Variants in NTRK2 observed in about 807,000 individuals in gnomAD.
NTRK2 encodes the protein neurotrophic receptor tyrosine kinase 2.
A neutral mutation model predicts 94.5 loss-of-function variants in NTRK2; 13 were observed. The observed-to-expected ratio is 0.14, with a 90% CI of 0.09 to 0.22. The LOEUF (loss-of-function observed/expected upper bound fraction) is 0.22, where lower values mean the gene tolerates loss of function less well. Ranked by LOEUF, NTRK2 falls within the 10% of genes least tolerant of loss-of-function variation. The pLI, the probability that NTRK2 is intolerant of heterozygous loss-of-function variation, is 1.00. For synonymous variants in NTRK2, 372 were observed against 407.4 expected, an observed-to-expected ratio of 0.91 and a Z score of 1.05; for missense variants, 639 against 1,071.2, an observed-to-expected ratio of 0.60 and a Z score of 5.63.
intron 12 of NTRK2, among the ~76,000 whole-genome samples, chr9:84,791,406 T>C (rs2068720178): frequency 6.6e-6 from 1 of 152,202 alleles, no homozygotes; most frequent in African/African-American, 2.4e-5. Flanking sequence ...CTATTGTCTC[T>C]GTAGCATTCT....
At chr9:84,761,272 T>A (rs1259650221) in intron 12 of NTRK2, among the ~76,000 whole-genome samples, 1 of 151,856 alleles carries the variant, frequency 6.6e-6, no homozygotes, top group Admixed American at 6.6e-5. Flanking sequence ...TCAGCGACAG[T>A]GTAAGGAAGG....
chr9:84,952,022 A>G (rs2078801228), intron 16 of NTRK2, among the ~76,000 whole-genome samples: 1 of 152,190 alleles, frequency 6.6e-6, no homozygotes, highest in African/African-American at 2.4e-5. Context: ...TTCCTCTTAG[A>G]ATCTGTCCAG....
rs114270102 is a variant in NTRK2 at position 84,957,346 on chromosome 9, G to A, written c.2172+1829G>A. Among the ~76,000 whole-genome samples, 355 of 152,240 alleles carry A rather than the reference G, an allele frequency of 2.3e-3. 2 individuals carry two copies. The highest frequency in any genetic ancestry group is 7.8e-3 in the African/African-American group (323 of 41,552). On this transcript the variant is annotated intron_variant, in intron 17 of 18. Transcript: ENST00000277120. ...CTAGGACTTAACTGGATGGAACCTG[G>A]CATCCTCCTCTCTAGGAATCTCCAA...
At chr9:84,825,017 A>G (rs943930737) in intron 12 of NTRK2, among the ~76,000 whole-genome samples, 88 of 150,564 alleles carry the variant, frequency 5.8e-4, no homozygotes, top group African/African-American at 1.9e-3. Context: ...AACTGAGTTC[A>G]TCACGTGTTC....
chr9:84,703,224 A>T (rs572186126), intron 4 of NTRK2, among the ~76,000 whole-genome samples: 1 of 152,196 alleles, frequency 6.6e-6, no homozygotes, highest in Non-Finnish European at 1.5e-5. Context: ...GCATTTATTG[A>T]TTCTGTTTTG....
chr9:84,735,005 A>G (rs921101910), intron 9 of NTRK2, among the ~76,000 whole-genome samples: 1 of 151,982 alleles, frequency 6.6e-6, no homozygotes, highest in African/African-American at 2.4e-5. Flanking sequence ...GGACAAAACC[A>G]ATCTCCTGTC....
chr9:84,724,085 C>T (rs2132029968), intron 7 of NTRK2, 139 bp from the exon 8 acceptor site: 1 of 890,148 alleles, frequency 1.1e-6, no homozygotes, highest in Admixed American at 2.1e-5. Flanking sequence ...TACTTCTTCG[C>T]CTGAGCCCAG....
chr9:84,763,950 A>G (rs982514365), intron 12 of NTRK2, among the ~76,000 whole-genome samples: 3 of 151,668 alleles, frequency 2.0e-5, no homozygotes, highest in Admixed American at 2.0e-4. Context: ...AATGTCCCTC[A>G]TTCTGTCTCT....
intron 12 of NTRK2, among the ~76,000 whole-genome samples, chr9:84,762,439 T>C (rs1303601592): frequency 6.6e-6 from 1 of 152,234 alleles, no homozygotes; most frequent in Non-Finnish European, 1.5e-5. Flanking sequence ...TGACATGCAT[T>C]CCATAGCCCA....
rs80021465 is a variant in NTRK2, at chr9:84,867,814, A to T, written c.1633+383A>T. On this transcript the variant is annotated intron_variant, in intron 14 of 18. Transcript: ENST00000277120. ...TGAATGTAATTTAAATTTAGCCTAT[A>T]GAAAGTAATTGAAATATGCACTCTA... Among the ~76,000 whole-genome samples the T allele has an allele frequency of 4.6e-3, 706 of 152,332 alleles. 13 individuals carry two copies. The highest frequency in any genetic ancestry group is 0.038 in the Admixed American group (577 of 15,300).
intron 14 of NTRK2, chr9:84,871,809 A>C (rs1564413515): frequency 1.2e-6 from 2 of 1,613,602 alleles, no homozygotes; most frequent in African/African-American, 2.7e-5. Flanking sequence ...TTCCCCCAAG[A>C]CCGCCTGATA....
At chr9:84,974,803 C>T (rs1412788437) in intron 17 of NTRK2, among the ~76,000 whole-genome samples, 9 of 152,192 alleles carry the variant, frequency 5.9e-5, no homozygotes, top group East Asian at 3.9e-4. Flanking sequence ...CTTGCCTTAT[C>T]CCTGCTGGCT....
chr9:84,689,310 C>G (rs537338108), intron 2 of NTRK2, among the ~76,000 whole-genome samples: 1 of 152,330 alleles, frequency 6.6e-6, no homozygotes, highest in African/African-American at 2.4e-5. Context: ...GCATTACTCT[C>G]ATCGTGTAGG....
At chr9:84,780,610 C>T (rs1280537194) in intron 12 of NTRK2, among the ~76,000 whole-genome samples, 9 of 152,088 alleles carry the variant, frequency 5.9e-5, no homozygotes, top group African/African-American at 1.4e-4. Flanking sequence ...TCCAGCTCTG[C>T]GCAACTTTAC....
intron 14 of NTRK2, among the ~76,000 whole-genome samples, chr9:84,887,640 G>T (rs2076459039): frequency 6.6e-6 from 1 of 152,200 alleles, no homozygotes; most frequent in Non-Finnish European, 1.5e-5. Context: ...ATACCCCAAT[G>T]ATCAGCTCAA....
intron 14 of NTRK2, 32 bp downstream of exon 14, chr9:84,867,463 T>C: frequency 7.0e-6 from 11 of 1,568,704 alleles, no homozygotes; most frequent in Non-Finnish European, 9.7e-6. Flanking sequence ...TATTGTCCCA[T>C]TTGCTGCATA....
Position 84,786,564 on chromosome 9 carries a change from T to C in NTRK2, c.1396+34479T>C, listed in dbSNP as rs115645712. Among the ~76,000 whole-genome samples the C allele has an allele frequency of 1.1e-3, 163 of 152,338 alleles. 1 individual carries two copies. Among genetic ancestry groups the C allele is most frequent in the African/African-American group, 3.8e-3 (160 of 41,582 alleles). The stretch of plus-strand genomic sequence containing the variant: ...TCCAAAATAGGATATGTTGTTTTCT[T>C]TATCTCAGTAGACATCTTTTAATTA... On this transcript the variant is annotated intron_variant, in intron 12 of 18. Coordinates refer to ENST00000277120, the MANE Select transcript of NTRK2 (RefSeq NM_006180.6).
At chr9:84,968,534 A>G (rs957823003) in intron 17 of NTRK2, among the ~76,000 whole-genome samples, 2 of 152,176 alleles carry the variant, frequency 1.3e-5, no homozygotes, top group African/African-American at 4.8e-5. Flanking sequence ...TTTTTTGTCC[A>G]GCCTACCAGC....
intron 14 of NTRK2, chr9:84,876,351 C>A (rs200927408): frequency 7.6e-6 from 8 of 1,051,802 alleles, no homozygotes; most frequent in Non-Finnish European, 9.2e-6. Context: ...CACTAAGCAG[C>A]CACCTGAATT....
Sources: gnomAD v4.1 joint callset for allele counts (sites outside exome capture counted in the v4.1 genomes callset) on GRCh38, gnomAD v4.1.1 for gene constraint, MANE v1.5 for transcripts, NCBI Gene and HGNC (gene_info 2026-07-23, HGNC 2026-07-21) for gene names.